Variants in POTEC observed in about 807,000 individuals in gnomAD.
POTEC encodes the protein ANKRD26-like family B member 2.
In POTEC, 35 loss-of-function variants were observed where a neutral mutation model predicts 62.0. The observed-to-expected ratio is 0.56, with a 90% CI of 0.43 to 0.75. POTEC has a LOEUF of 0.75. POTEC is among the 30% of genes least tolerant of loss of function. The pLI is 0.00. For synonymous variants in POTEC, 156 were observed against 221.5 expected, an observed-to-expected ratio of 0.70 and a Z score of 2.62; for missense variants, 472 against 655.9, an observed-to-expected ratio of 0.72 and a Z score of 3.06.
intron 3 of POTEC, 29 bp downstream of exon 3, chr18:14,537,772 T>C (rs1384653507): frequency 1.2e-6 from 2 of 1,608,622 alleles, no homozygotes; most frequent in Non-Finnish European, 1.7e-6. Flanking sequence ...CATTTCAGTA[T>C]TTTGAAGATA....
At chr18:14,531,062 T>C (rs551787483) in intron 5 of POTEC, among the ~76,000 whole-genome samples, 3 of 152,188 alleles carry the variant, frequency 2.0e-5, no homozygotes, top group East Asian at 1.9e-4. Flanking sequence ...TAAAACCCCA[T>C]GTGTATTTTG....
chr18:14,543,170 C>T lies in POTEC; in HGVS notation c.-24G>A. The T allele has an allele frequency of 8.7e-6, 14 of 1,613,748 alleles. No homozygotes were observed. The highest frequency in any genetic ancestry group is 1.2e-5 in the Non-Finnish European group (14 of 1,179,800). On this transcript the variant is annotated 5_prime_UTR_variant, in exon 1 of 11. Transcript: ENST00000358970. ...ATCTGCTTTTAACAGCCCGGGGAGG[C>T]CGGTAGTAGCGAACAGATCGCGTCT...
chr18:14,513,012 A>G (rs1180175642), intron 10 of POTEC, among the ~76,000 whole-genome samples: 1 of 152,256 alleles, frequency 6.6e-6, no homozygotes, highest in Non-Finnish European at 1.5e-5. Context: ...TCCTCTTTAT[A>G]ATGTTTGAAA....
At position 14,540,591 on chromosome 18, in the gene POTEC, C is replaced by T. The variant is rs571485582; in HGVS notation, c.521+2035G>A. On this transcript the variant is annotated intron_variant, in intron 1 of 10. Coordinates refer to ENST00000358970, the MANE Select transcript of POTEC (RefSeq NM_001137671.2). ...CTCAATGGTTACATATTATTCCATC[C>T]TATGGATGCACTAAAATTTGTTCAT... Among the ~76,000 whole-genome samples, 35 of 152,216 alleles carry T rather than the reference C, an allele frequency of 2.3e-4. No homozygotes were observed. In the South Asian group the frequency reaches 7.0e-3, roughly 31 times the overall value.
intron 9 of POTEC, among the ~76,000 whole-genome samples, chr18:14,514,391 G>A (rs1910094274): frequency 6.6e-6 from 1 of 151,822 alleles, no homozygotes; most frequent in Non-Finnish European, 1.5e-5. Flanking sequence ...TTGCTGTGTG[G>A]CCCAGGTCCT....
At chr18:14,526,330 C>A (rs1910436995) in intron 6 of POTEC, among the ~76,000 whole-genome samples, 2 of 152,234 alleles carry the variant, frequency 1.3e-5, no homozygotes, top group South Asian at 4.1e-4. Context: ...ACCTTTACCA[C>A]CTGAACTGTA....
At chr18:14,533,901 G>GT (rs200431500) in intron 4 of POTEC, among the ~76,000 whole-genome samples, 23,229 of 144,420 alleles carry the variant, frequency 0.16, 1,951 homozygotes, top group African/African-American at 0.2. Context: ...TGCCCAGCTA[G>GT]TTTTTTTTTT....
chr18:14,541,408 G>A (rs1905927570), intron 1 of POTEC, among the ~76,000 whole-genome samples: 1 of 152,126 alleles, frequency 6.6e-6, no homozygotes, highest in Non-Finnish European at 1.5e-5. Context: ...CACTTTGGGA[G>A]GCTGAGGTGG....
intron 3 of POTEC, among the ~76,000 whole-genome samples, chr18:14,535,579 T>A (rs965032494): frequency 7.3e-5 from 11 of 151,396 alleles, no homozygotes; most frequent in Middle Eastern, 3.4e-3. Context: ...GTTCATAGGA[T>A]TACTGAAACT....
chr18:14,543,171 C>T lies in POTEC; in HGVS notation c.-25G>A. ...TCTGCTTTTAACAGCCCGGGGAGGC[C>T]GGTAGTAGCGAACAGATCGCGTCTA... On this transcript the variant is annotated 5_prime_UTR_variant, in exon 1 of 11. Coordinates refer to ENST00000358970, the MANE Select transcript of POTEC (RefSeq NM_001137671.2). 2 of 1,613,718 alleles carry T rather than the reference C, an allele frequency of 1.2e-6. No homozygotes were observed. Among genetic ancestry groups the T allele is most frequent in the East Asian group, 2.2e-5 (1 of 44,846 alleles).
intron 1 of POTEC, among the ~76,000 whole-genome samples, chr18:14,540,124 T>C (rs1318545057): frequency 2.0e-5 from 3 of 152,146 alleles, no homozygotes; most frequent in Non-Finnish European, 1.5e-5. Flanking sequence ...TGTTAATCTA[T>C]ATATAATGAA....
At chr18:14,532,182 C>T (rs1905545159) in intron 5 of POTEC, among the ~76,000 whole-genome samples, 1 of 152,054 alleles carries the variant, frequency 6.6e-6, no homozygotes. Flanking sequence ...ACAAGCCCAC[C>T]TCATATCTGC....
intron 4 of POTEC, among the ~76,000 whole-genome samples, chr18:14,533,519 T>C (rs1381903149): frequency 6.6e-6 from 1 of 152,094 alleles, no homozygotes; most frequent in Admixed American, 6.6e-5. Context: ...TAAGTGAAGA[T>C]TTTGTCACAG....
At chr18:14,519,404 T>C (rs1910250741) in intron 9 of POTEC, among the ~76,000 whole-genome samples, 1 of 152,080 alleles carries the variant, frequency 6.6e-6, no homozygotes, top group African/African-American at 2.4e-5. Flanking sequence ...TGGAAATCAC[T>C]AGCATATACA....
rs556067840 is a variant in POTEC at position 14,529,341 on chromosome 18, G to C, written c.1126+1142C>G. On this transcript the variant is annotated intron_variant, in intron 6 of 10. Transcript: ENST00000358970. ...ATAGTTATTTGTTAAGTGGACAAGT[G>C]AAAACATAGAAATGTTTTCTTTGTA... Among the ~76,000 whole-genome samples, 18 of 152,246 alleles carry C rather than the reference G, an allele frequency of 1.2e-4. No homozygotes were observed. In the South Asian group the frequency reaches 3.5e-3, roughly 30 times the overall value.
In POTEC at chr18:14,507,696, G is replaced by T. The variant is rs2143091831; in HGVS notation, c.*4202C>A. On this transcript the variant is annotated 3_prime_UTR_variant, in exon 11 of 11. Coordinates refer to ENST00000358970, the MANE Select transcript of POTEC (RefSeq NM_001137671.2). ...ATCACTTGTCTGTGTACTTCAGTGT[G>T]TTTTTGTAGTGGCTGGTGGTGGTCT... The T allele has an allele frequency of 6.6e-6, 1 of 152,284 alleles. No homozygotes were observed. The highest frequency in any genetic ancestry group is 6.5e-5 in the Admixed American group (1 of 15,300). 9.4% of individuals were successfully genotyped at this position (152,284 alleles called of 1,614,324 possible). A position where few individuals can be genotyped will look rare whatever the true frequency, so the allele number is the denominator to read the frequency against.
At chr18:14,522,104 A>T (rs1910326470) in intron 9 of POTEC, 150 bp downstream of exon 9, 2 of 1,387,020 alleles carry the variant, frequency 1.4e-6, no homozygotes, top group Non-Finnish European at 1.9e-6. Flanking sequence ...ACAGTAACTC[A>T]TTGTTTACTG....
At chr18:14,526,619 A>G (rs1305232703) in intron 6 of POTEC, among the ~76,000 whole-genome samples, 2 of 152,076 alleles carry the variant, frequency 1.3e-5, no homozygotes, top group African/African-American at 4.8e-5. Context: ...CAGCAGCAAG[A>G]GCAGGAGCGA....
intron 1 of POTEC, among the ~76,000 whole-genome samples, chr18:14,539,710 T>C (rs1248699070): frequency 1.3e-5 from 2 of 151,894 alleles, no homozygotes; most frequent in Non-Finnish European, 2.9e-5. Flanking sequence ...TTATACATTT[T>C]CAAAAGGGCA....
Sources: gnomAD v4.1 joint callset for allele counts (sites outside exome capture counted in the v4.1 genomes callset) on GRCh38, gnomAD v4.1.1 for gene constraint, MANE v1.5 for transcripts, NCBI Gene and HGNC (gene_info 2026-07-23, HGNC 2026-07-21) for gene names.